Variants in TBC1D30 observed in about 807,000 individuals in gnomAD.
TBC1D30 encodes TBC1 domain family member 30.
A neutral mutation model predicts 63.2 loss-of-function variants in TBC1D30; 31 were observed. The observed-to-expected ratio is 0.49, with a 90% CI of 0.37 to 0.66. The LOEUF (loss-of-function observed/expected upper bound fraction) is 0.66. Among genes scored for constraint, TBC1D30 ranks in the 30% least tolerant of loss-of-function variants. The pLI is 0.00. For synonymous variants in TBC1D30, 307 were observed against 361.5 expected (o/e 0.85, Z 1.71); for missense variants, 810 against 953.6 (o/e 0.85, Z 1.98).
At chr12:64,773,001 C>T (rs1191114158) in intron 1 of TBC1D30, among the ~76,000 whole-genome samples, 1 of 152,230 alleles carries the variant, frequency 6.6e-6, no homozygotes, top group Non-Finnish European at 1.5e-5. Context: ...ACTTGAATAT[C>T]ATTCTGCATT....
chr12:64,844,750 C>T (rs528894890), intron 8 of TBC1D30, among the ~76,000 whole-genome samples: 3 of 152,328 alleles, frequency 2.0e-5, no homozygotes, highest in Admixed American at 6.5e-5. Flanking sequence ...TCAGCTCCCA[C>T]AATTAAGTGA....
intron 8 of TBC1D30, among the ~76,000 whole-genome samples, chr12:64,859,004 A>C (rs1161241963): frequency 6.6e-6 from 1 of 151,632 alleles, no homozygotes; most frequent in Non-Finnish European, 1.5e-5. Context: ...TTACAGAAGA[A>C]TAGGATTTGA....
chr12:64,869,334 T>A (rs1017075392), intron 10 of TBC1D30, among the ~76,000 whole-genome samples: 1 of 152,218 alleles, frequency 6.6e-6, no homozygotes, highest in Non-Finnish European at 1.5e-5. Context: ...TTGGTGGTGA[T>A]CTTTTGGAGT....
Position 64,841,279 on chromosome 12 carries a change from C to T in TBC1D30, c.933-2101C>T, listed in dbSNP as rs574379463. Among the ~76,000 whole-genome samples the T allele has an allele frequency of 4.1e-4, 63 of 152,320 alleles. No homozygotes were observed. In the South Asian group the frequency reaches 0.011, roughly 28 times the overall value. On this transcript the variant is annotated intron_variant, in intron 7 of 11. Coordinates refer to ENST00000539867, the MANE Select transcript of TBC1D30 (RefSeq NM_015279.2). ...TCTGCAACTTGGAATTTCTACCTTTCGCTCACCCCAAGGGTACTTGGGAAT... is the reference window on the plus strand; with the variant it reads ...TCTGCAACTTGGAATTTCTACCTTTTGCTCACCCCAAGGGTACTTGGGAAT...
intron 1 of TBC1D30, among the ~76,000 whole-genome samples, chr12:64,826,102 TAA>T (rs1346943602): frequency 6.6e-6 from 1 of 152,166 alleles, no homozygotes; most frequent in Non-Finnish European, 1.5e-5. Flanking sequence ...CTTCCCACGT[TAA>T]AAGTAAGTGT....
chr12:64,813,977 G>A (rs371950186), intron 2 of TBC1D30, among the ~76,000 whole-genome samples: 1 of 152,168 alleles, frequency 6.6e-6, no homozygotes, highest in East Asian at 1.9e-4. Flanking sequence ...GACTGCCTAT[G>A]AATAATACAA....
intron 4 of TBC1D30, among the ~76,000 whole-genome samples, 163 bp downstream of exon 4, chr12:64,830,665 A>G (rs1232555360): frequency 1.3e-5 from 2 of 152,182 alleles, no homozygotes; most frequent in African/African-American, 4.8e-5. Context: ...AACCTTGACA[A>G]TGTGTTGTCT....
At chr12:64,833,605 G>A (rs895143660) in intron 5 of TBC1D30, among the ~76,000 whole-genome samples, 1 of 152,132 alleles carries the variant, frequency 6.6e-6, no homozygotes, top group South Asian at 2.1e-4. Flanking sequence ...ACTGATTAAT[G>A]TGATGTGGAA....
intron 2 of TBC1D30, among the ~76,000 whole-genome samples, chr12:64,804,837 C>G (rs1385010797): frequency 6.6e-6 from 1 of 151,802 alleles, no homozygotes. Context: ...GGGCTCAACC[C>G]TCAACCCTGT....
At chr12:64,794,161 AT>A (rs1270214636) in intron 2 of TBC1D30, among the ~76,000 whole-genome samples, 1 of 150,692 alleles carries the variant, frequency 6.6e-6, no homozygotes. Context: ...TGGACTGTTT[AT>A]TTTTTTTCCC....
At chr12:64,798,184 AAAG>A (rs1872390355) in intron 2 of TBC1D30, among the ~76,000 whole-genome samples, 1 of 152,258 alleles carries the variant, frequency 6.6e-6, no homozygotes, top group Non-Finnish European at 1.5e-5. Context: ...GCTAACATGC[AAAG>A]AAGAAGAAAA....
intron 1 of TBC1D30, among the ~76,000 whole-genome samples, chr12:64,783,597 T>C (rs1871398444): frequency 6.6e-6 from 1 of 152,038 alleles, no homozygotes; most frequent in South Asian, 2.1e-4. Context: ...AAGAGACCTG[T>C]TTCCATCCCC....
intron 2 of TBC1D30, among the ~76,000 whole-genome samples, chr12:64,789,840 A>T (rs1029789380): frequency 6.6e-6 from 1 of 152,230 alleles, no homozygotes; most frequent in Non-Finnish European, 1.5e-5. Flanking sequence ...TAATACTGAA[A>T]ATTGATAATA....
intron 8 of TBC1D30, among the ~76,000 whole-genome samples, chr12:64,848,884 CCCA>C (rs1334435502): frequency 6.6e-6 from 1 of 152,220 alleles, no homozygotes; most frequent in Non-Finnish European, 1.5e-5. Flanking sequence ...AATTTACACT[CCCA>C]CCAACAGTGT....
chr12:64,832,365 ATAATT>A, intron 5 of TBC1D30, 61 bp downstream of exon 5: 1 of 1,445,536 alleles, frequency 6.9e-7, no homozygotes, highest in Non-Finnish European at 9.3e-7. Flanking sequence ...AATTGGAACC[ATAATT>A]TCTCTTCCTT....
At chr12:64,868,541 T>C (rs1222898282) in intron 10 of TBC1D30, 2 of 283,796 alleles carry the variant, frequency 7.0e-6, no homozygotes, top group East Asian at 9.4e-5. Context: ...TGTGTTTAGC[T>C]TTTTCATAGA....
chr12:64,832,454 G>T, intron 5 of TBC1D30, 150 bp downstream of exon 5: 1 of 756,920 alleles, frequency 1.3e-6, no homozygotes, highest in Non-Finnish European at 2.0e-6. Flanking sequence ...CCAGGTTAGA[G>T]CCATGTCAAG....
At chr12:64,864,895 A>G in intron 9 of TBC1D30, 115 bp downstream of exon 9, 1 of 700,218 alleles carries the variant, frequency 1.4e-6, no homozygotes, top group South Asian at 2.1e-5. Flanking sequence ...GTTGACACTT[A>G]GAATCTAATG....
At chr12:64,798,460 T>G (rs903861283) in intron 2 of TBC1D30, among the ~76,000 whole-genome samples, 1 of 152,212 alleles carries the variant, frequency 6.6e-6, no homozygotes, top group Non-Finnish European at 1.5e-5. Flanking sequence ...GATAGAATTA[T>G]GTATTTTTAT....
Sources: allele counts gnomAD v4.1 joint callset (sites outside exome capture counted in the v4.1 genomes callset), GRCh38; gene constraint gnomAD v4.1.1; transcripts MANE v1.5; gene names NCBI Gene and HGNC (gene_info 2026-07-23, HGNC 2026-07-21).